Variants in CRACD observed in about 807,000 individuals in gnomAD.
The protein encoded by CRACD is capping protein-inhibiting regulator of actin dynamics.
A neutral mutation model predicts 106.8 loss-of-function variants in CRACD; 56 were observed. The ratio of observed to expected loss-of-function variants is 0.52; its 90% CI spans 0.42 to 0.66. The LOEUF (loss-of-function observed/expected upper bound fraction) is 0.66. Ranked by LOEUF, CRACD falls within the 30% of genes least tolerant of loss-of-function variation. The pLI is 0.00. For missense variants in CRACD, 1,730 were observed against 1,623.2 expected (o/e 1.07, Z -1.13); for synonymous variants, 754 against 670.8 (o/e 1.12, Z -1.92).
At chr4:56,238,845 AT>A (rs1427896816) in intron 2 of CRACD, among the ~76,000 whole-genome samples, 15 of 151,868 alleles carry the variant, frequency 9.9e-5, no homozygotes, top group African/African-American at 2.9e-4. Flanking sequence ...GGCCATTTTG[AT>A]TTCTTTTGTG....
chr4:56,264,540 C>T (rs916868791), intron 2 of CRACD, among the ~76,000 whole-genome samples: 1 of 152,208 alleles, frequency 6.6e-6, no homozygotes, highest in African/African-American at 2.4e-5. Context: ...CTGCCTCTGA[C>T]CCCTGGGCCT....
intron 1 of CRACD, among the ~76,000 whole-genome samples, chr4:56,171,920 C>T (rs1441901919): frequency 1.3e-5 from 2 of 151,684 alleles, no homozygotes; most frequent in African/African-American, 4.8e-5. Flanking sequence ...CTGCATGTTC[C>T]CAGAAGTTCT....
At chr4:56,227,624 G>A (rs1028183405) in intron 2 of CRACD, among the ~76,000 whole-genome samples, 5 of 152,150 alleles carry the variant, frequency 3.3e-5, no homozygotes, top group South Asian at 4.1e-4. Context: ...CACATAGACC[G>A]GCTGCAGCTG....
chr4:56,282,395 T>C (rs1251526309), intron 3 of CRACD, among the ~76,000 whole-genome samples: 1 of 152,238 alleles, frequency 6.6e-6, no homozygotes, highest in Non-Finnish European at 1.5e-5. Flanking sequence ...AATTTCCCTC[T>C]GTAGGCTCAC....
intron 2 of CRACD, among the ~76,000 whole-genome samples, chr4:56,210,043 G>T (rs560015540): frequency 2.6e-5 from 4 of 152,228 alleles, no homozygotes; most frequent in African/African-American, 9.6e-5. Context: ...GTCATAATGG[G>T]CTTGACTCTG....
At chr4:56,217,969 T>C (rs1007154687) in intron 2 of CRACD, among the ~76,000 whole-genome samples, 2 of 152,184 alleles carry the variant, frequency 1.3e-5, no homozygotes, top group African/African-American at 4.8e-5. Context: ...TCTTCTTGCC[T>C]CTGTCCTGGC....
chr4:56,071,813 T>A (rs1434528856), intron 1 of CRACD, among the ~76,000 whole-genome samples: 1 of 150,682 alleles, frequency 6.6e-6, no homozygotes, highest in African/African-American at 2.4e-5. Flanking sequence ...GTCTGGCCAA[T>A]CTCTTTTATA....
At chr4:56,200,470 A>G (rs1560481729) in intron 2 of CRACD, among the ~76,000 whole-genome samples, 4 of 152,212 alleles carry the variant, frequency 2.6e-5, no homozygotes. Flanking sequence ...GTAAGTTGCC[A>G]TAGGATATGA....
At chr4:56,095,623 C>T (rs572416643) in intron 1 of CRACD, among the ~76,000 whole-genome samples, 2 of 152,174 alleles carry the variant, frequency 1.3e-5, no homozygotes, top group Admixed American at 6.5e-5. Context: ...ACCAGTGTGG[C>T]CAGGGCAGAG....
chr4:56,301,344 C>A (rs1244194846), intron 4 of CRACD: 4 of 704,322 alleles, frequency 5.7e-6, no homozygotes, highest in African/African-American at 1.9e-5. Context: ...TAGTAAGCAG[C>A]CTAAGAGACC....
At chr4:56,075,718 G>A (rs531804231) in intron 1 of CRACD, among the ~76,000 whole-genome samples, 21 of 152,190 alleles carry the variant, frequency 1.4e-4, no homozygotes, top group East Asian at 3.9e-4. Flanking sequence ...AAATGGCATC[G>A]TATAATATCT....
chr4:56,207,039 G>T (rs1190189726), intron 2 of CRACD, among the ~76,000 whole-genome samples: 2 of 152,118 alleles, frequency 1.3e-5, no homozygotes, highest in Non-Finnish European at 2.9e-5. Context: ...ATGCTTCTTA[G>T]CCAGGGTCCC....
intron 2 of CRACD, among the ~76,000 whole-genome samples, chr4:56,226,872 CTCTG>C (rs796703231): frequency 0.023 from 2,594 of 113,150 alleles, 70 homozygotes; most frequent in African/African-American, 0.07. Context: ...CTCTCTCTCT[CTCTG>C]TCTCTCTCTC....
intron 1 of CRACD, among the ~76,000 whole-genome samples, chr4:56,160,972 G>T (rs188146153): frequency 6.6e-6 from 1 of 152,250 alleles, no homozygotes; most frequent in Non-Finnish European, 1.5e-5. Flanking sequence ...AGAAGATAAA[G>T]CATTCCACAC....
intron 2 of CRACD, among the ~76,000 whole-genome samples, chr4:56,208,372 T>C (rs534905370): frequency 1.3e-5 from 2 of 152,262 alleles, no homozygotes; most frequent in African/African-American, 4.8e-5. Context: ...AGGTTCTAGA[T>C]TGTGAAGGGA....
At chr4:56,301,238 T>C (rs1439310533) in intron 4 of CRACD, 7 of 1,287,998 alleles carry the variant, frequency 5.4e-6, no homozygotes, top group Non-Finnish European at 7.1e-6. Context: ...GACTAAGCAG[T>C]ATGTTCCTGG....
At chr4:56,119,332 T>C (rs1410166688) in intron 1 of CRACD, among the ~76,000 whole-genome samples, 2 of 151,944 alleles carry the variant, frequency 1.3e-5, no homozygotes, top group Non-Finnish European at 2.9e-5. Context: ...TCTCAGTCTT[T>C]TTTTTTTTCT....
chr4:56,183,133 T>G (rs1385400438), intron 2 of CRACD, among the ~76,000 whole-genome samples: 1 of 151,234 alleles, frequency 6.6e-6, no homozygotes, highest in Non-Finnish European at 1.5e-5. Context: ...CTCCGGAGGC[T>G]GAGGCAGGAG....
At chr4:56,225,039 C>A (rs79860034) in intron 2 of CRACD, among the ~76,000 whole-genome samples, 2 of 152,196 alleles carry the variant, frequency 1.3e-5, no homozygotes, top group Non-Finnish European at 2.9e-5. Flanking sequence ...CACACTTATT[C>A]TTGCAAGGAG....
Sources: allele counts gnomAD v4.1 joint callset (sites outside exome capture counted in the v4.1 genomes callset), GRCh38; gene constraint gnomAD v4.1.1; transcripts MANE v1.5; gene names NCBI Gene and HGNC (gene_info 2026-07-23, HGNC 2026-07-21).